The following SNTG2 variants were observed in gnomAD, a reference collection of about 807,000 sequenced individuals.
SNTG2 encodes syntrophin gamma 2.
In SNTG2, 74 loss-of-function variants were observed where a neutral mutation model predicts 70.9. The ratio of observed to expected loss-of-function variants is 1.04; its 90% CI spans 0.86 to 1.27. The LOEUF (loss-of-function observed/expected upper bound fraction) is 1.27, where lower values mean the gene tolerates loss of function less well. SNTG2 is among the 50% of genes most tolerant of loss of function. The probability of loss-of-function intolerance (pLI) is 0.00; values close to 1 mark genes in which losing one functional copy is unlikely to be tolerated. For synonymous variants in SNTG2, 278 were observed against 273.8 expected, an observed-to-expected ratio of 1.02 and a Z score of -0.15; for missense variants, 717 against 690.7, an observed-to-expected ratio of 1.04 and a Z score of -0.43.
At chr2:1,328,962 TACAC>T (rs1315191591) in intron 16 of SNTG2, among the ~76,000 whole-genome samples, 3 of 152,184 alleles carry the variant, frequency 2.0e-5, no homozygotes, top group Non-Finnish European at 4.4e-5. Context: ...CATACGCACA[TACAC>T]AGACACATTT....
rs768923837 is a variant in SNTG2, at chr2:1,097,703, G to C, written c.211-493G>C. Reference sequence around the variant, plus strand: ...TCCCAGACATCTGTGGTCAGAGGACGTGAAAAAATGGATCATTCATGAATT... The same window carrying C: ...TCCCAGACATCTGTGGTCAGAGGACCTGAAAAAATGGATCATTCATGAATT... On this transcript the variant is annotated intron_variant, in intron 2 of 16. Transcript: ENST00000308624. The surrounding 1 kb of genome is among the most constrained non-coding windows in gnomAD (Gnocchi z 4.1). Among the ~76,000 whole-genome samples, 22 of 152,004 alleles carry C rather than the reference G, an allele frequency of 1.4e-4. No individual in the cohort carries two copies. Among genetic ancestry groups the C allele is most frequent in the Non-Finnish European group, 2.4e-4 (16 of 67,990 alleles).
chr2:1,090,278 A>T (rs1013335409), intron 2 of SNTG2, among the ~76,000 whole-genome samples: 2 of 152,198 alleles, frequency 1.3e-5, no homozygotes, highest in Non-Finnish European at 2.9e-5. Context: ...CCCACAAGAA[A>T]AATTTATATT....
chr2:1,134,340 C>G (rs1668222300), intron 4 of SNTG2, among the ~76,000 whole-genome samples: 1 of 152,070 alleles, frequency 6.6e-6, no homozygotes, highest in South Asian at 2.1e-4. Context: ...GTCCATTTTA[C>G]ATAGAGCCGA....
At chr2:1,253,412 G>A (rs534514843) in intron 12 of SNTG2, among the ~76,000 whole-genome samples, 2 of 152,284 alleles carry the variant, frequency 1.3e-5, no homozygotes, top group East Asian at 1.9e-4. Flanking sequence ...CTGCACCATC[G>A]TCCTTCATTC....
At chr2:1,036,797 A>T (rs555873145) in intron 1 of SNTG2, among the ~76,000 whole-genome samples, 51 of 152,254 alleles carry the variant, frequency 3.3e-4, no homozygotes, top group Non-Finnish European at 5.7e-4. Flanking sequence ...TATTCCCCTT[A>T]TCAAAGGTAA....
intron 1 of SNTG2, among the ~76,000 whole-genome samples, chr2:1,078,576 T>G (rs1572378246): frequency 6.6e-6 from 1 of 151,990 alleles, no homozygotes; most frequent in Non-Finnish European, 1.5e-5. Flanking sequence ...AGACTGCAGG[T>G]GCCGGCCTCA....
intron 4 of SNTG2, among the ~76,000 whole-genome samples, chr2:1,131,912 A>G (rs986180892): frequency 6.6e-6 from 1 of 152,056 alleles, no homozygotes; most frequent in Non-Finnish European, 1.5e-5. Context: ...AGCCTCCCAA[A>G]GTGCTGGGAT....
chr2:994,597 T>C (rs1218032915), intron 1 of SNTG2, among the ~76,000 whole-genome samples: 1 of 152,108 alleles, frequency 6.6e-6, no homozygotes, highest in Admixed American at 6.5e-5. Context: ...ATAGACATTG[T>C]ATTGAATCTG....
intron 15 of SNTG2, among the ~76,000 whole-genome samples, chr2:1,309,202 G>A (rs1353538536): frequency 1.3e-5 from 2 of 152,224 alleles, no homozygotes; most frequent in East Asian, 3.9e-4. Flanking sequence ...CGAGTTGAAA[G>A]ACTTACTTGT....
In SNTG2 at chr2:1,163,994, G is replaced by A. The variant is rs930712211; in HGVS notation, c.412-1554G>A. Reference sequence around the variant, plus strand: ...GCTACATCAGGTGTCTTAGGGAGCTGTGCAGAACTGTAATCCTCCAGGTAG... The same window carrying A: ...GCTACATCAGGTGTCTTAGGGAGCTATGCAGAACTGTAATCCTCCAGGTAG... On this transcript the variant is annotated intron_variant, in intron 6 of 16. Coordinates refer to ENST00000308624, the MANE Select transcript of SNTG2 (RefSeq NM_018968.4). 5.9e-5 allele frequency among the ~76,000 whole-genome samples: 9 copies of A among 152,350 alleles called. No individual in the cohort carries two copies. In the East Asian group the frequency reaches 1.7e-3, roughly 29 times the overall value.
At chr2:1,070,164 G>A (rs553611848) in intron 1 of SNTG2, among the ~76,000 whole-genome samples, 21 of 152,192 alleles carry the variant, frequency 1.4e-4, no homozygotes, top group African/African-American at 4.8e-4. Context: ...CAAGAGGACA[G>A]GAGAGCAGGG....
At chr2:1,355,769 C>A (rs1412239853) in intron 16 of SNTG2, among the ~76,000 whole-genome samples, 1 of 152,180 alleles carries the variant, frequency 6.6e-6, no homozygotes, top group Non-Finnish European at 1.5e-5. Context: ...CCATACTATT[C>A]ATAGTAGCTG....
At chr2:1,189,853 C>G (rs1672471110) in intron 8 of SNTG2, among the ~76,000 whole-genome samples, 1 of 152,002 alleles carries the variant, frequency 6.6e-6, no homozygotes, top group Non-Finnish European at 1.5e-5. Context: ...GGCCGGGACT[C>G]TATCTTATAT....
At chr2:1,267,196 G>A (rs35492456) in intron 13 of SNTG2, among the ~76,000 whole-genome samples, 169 bp from the exon 14 acceptor site, 46,819 of 152,130 alleles carry the variant, frequency 0.31, 8,097 homozygotes, top group African/African-American at 0.47. Context: ...GACCACTTCC[G>A]CACCAGCTGT....
intron 1 of SNTG2, among the ~76,000 whole-genome samples, chr2:1,036,355 A>G (rs1324816181): frequency 6.6e-6 from 1 of 152,064 alleles, no homozygotes; most frequent in East Asian, 1.9e-4. Context: ...TACAAGGCAT[A>G]GTATTTTTTT....
Position 1,267,551 on chromosome 2 carries a change from A to C in SNTG2, c.1264A>C (p.Met422Leu), listed in dbSNP as rs1418003947. Reference protein sequence around the residue: ...WEKSFQRATFMEVQRTGSRTY... With the variant: ...WEKSFQRATFLEVQRTGSRTY... ...GAAGTCCTTCCAAAGAGCCACGTTC[A>C]TGGAAGTTCAGAGAACCGGGGTAAG... Residue 422 changes from methionine to leucine, a missense_variant, in exon 14 of 17, where the codon ATG (methionine) becomes CTG (leucine). Coordinates refer to ENST00000308624, the MANE Select transcript of SNTG2 (RefSeq NM_018968.4). The C allele has an allele frequency of 1.9e-6, 3 of 1,613,022 alleles. No individual in the cohort carries two copies. The highest frequency in any genetic ancestry group is 3.7e-4 in the Middle Eastern group (2 of 5,356).
Position 1,173,103 on chromosome 2 carries a change from C to T in SNTG2, c.511C>T (p.Pro171Ser). Residue 171 changes from proline to serine, a missense_variant, in exon 8 of 17, where the codon CCA becomes TCA. Coordinates refer to ENST00000308624, the MANE Select transcript of SNTG2 (RefSeq NM_018968.4). ...FLKLPLGSPG[P>S]SSDHSSGASS... ...TTGTTTTGCTGCAGGGTCCCCAGGG[C>T]CATCCAGCGACCACAGCAGTGGGGC... 2 of 1,613,926 alleles carry T rather than the reference C, an allele frequency of 1.2e-6. No homozygotes were observed. The highest frequency in any genetic ancestry group is 2.2e-5 in the South Asian group (2 of 91,070).
intron 11 of SNTG2, 53 bp from the exon 12 acceptor site, chr2:1,247,274 T>C: frequency 9.0e-7 from 1 of 1,105,764 alleles, no homozygotes; most frequent in South Asian, 1.3e-5. Flanking sequence ...ACTCTGCTGC[T>C]GTGACAGTAT....
At chr2:1,191,904 A>G (rs573717447) in intron 8 of SNTG2, among the ~76,000 whole-genome samples, 1 of 152,016 alleles carries the variant, frequency 6.6e-6, no homozygotes, top group African/African-American at 2.4e-5. Flanking sequence ...GTATGTATAT[A>G]TGTTATTTAT....
Sources: allele counts gnomAD v4.1 joint callset (sites outside exome capture counted in the v4.1 genomes callset), GRCh38; gene constraint gnomAD v4.1.1; non-coding constraint Gnocchi (gnomAD v3.1); transcripts MANE v1.5; gene names NCBI Gene and HGNC (gene_info 2026-07-23, HGNC 2026-07-21).